PDGFC: variants seen among roughly 807,000 people sequenced by gnomAD.
PDGFC encodes platelet-derived growth factor C.
PDGFC carries 12 observed loss-of-function variants against 35.5 expected under a neutral mutation model. The observed-to-expected ratio is 0.34, with a 90% confidence interval of 0.22 to 0.55. The LOEUF is 0.55. PDGFC is among the 20% of genes least tolerant of loss of function. PDGFC has a pLI of 0.91. For synonymous variants in PDGFC, 159 were observed against 148.8 expected (o/e 1.07, Z -0.50); for missense variants, 322 against 412.4 (o/e 0.78, Z 1.90).
chr4:156,857,429 G>T (rs748279742), intron 1 of PDGFC, among the ~76,000 whole-genome samples: 9 of 152,054 alleles, frequency 5.9e-5, no homozygotes, highest in Non-Finnish European at 1.3e-4. Flanking sequence ...AGGAAAAGGA[G>T]CAACTTTGTA....
At chr4:156,898,856 C>G (rs1260163886) in intron 1 of PDGFC, among the ~76,000 whole-genome samples, 2 of 152,160 alleles carry the variant, frequency 1.3e-5, no homozygotes, top group African/African-American at 4.8e-5. Context: ...TGGGGTTTCA[C>G]ATGTTTTCTA....
intron 2 of PDGFC, among the ~76,000 whole-genome samples, chr4:156,830,377 TA>T (rs1211381787): frequency 6.6e-6 from 1 of 152,160 alleles, no homozygotes; most frequent in African/African-American, 2.4e-5. Flanking sequence ...AAATAAAAGA[TA>T]AAGCACTGTG....
chr4:156,831,762 G>GA lies in PDGFC; in HGVS notation c.314+18458dup, dbSNP rs200420006. ...CGGCCAACCCTGTCTCTTGAAAAAA[G>GA]AAAAAAAAATGTAACTGGCTTTTTA... On this transcript the variant is annotated intron_variant, in intron 2 of 5. Coordinates refer to ENST00000502773, the MANE Select transcript of PDGFC (RefSeq NM_016205.3). Among the ~76,000 whole-genome samples the GA allele has an allele frequency of 9.5e-3, 1,423 of 149,064 alleles. 29 individuals are homozygous for GA. Among genetic ancestry groups the GA allele is most frequent in the Admixed American group, 0.042 (632 of 14,990 alleles).
At position 156,854,817 on chromosome 4, in the gene PDGFC, CA is replaced by C. The variant is rs199857479; in HGVS notation, c.119-4402del. ...CAGACAGTATACTCAAATTACCAAACAAAAAAAAAGTTTATAGTCAAATCAC... is the reference window on the plus strand; with the variant it reads ...CAGACAGTATACTCAAATTACCAAACAAAAAAAAGTTTATAGTCAAATCAC... On this transcript the variant is annotated intron_variant, in intron 1 of 5. Coordinates refer to ENST00000502773, the MANE Select transcript of PDGFC (RefSeq NM_016205.3). Among the ~76,000 whole-genome samples, 419 of 150,490 alleles carry C rather than the reference CA, an allele frequency of 2.8e-3. 1 individual carries two copies. The highest frequency in any genetic ancestry group is 9.8e-3 in the African/African-American group (401 of 41,100).
chr4:156,860,708 T>G (rs1729690436), intron 1 of PDGFC, among the ~76,000 whole-genome samples: 1 of 152,266 alleles, frequency 6.6e-6, no homozygotes, highest in East Asian at 1.9e-4. Flanking sequence ...ATATGCATAA[T>G]GCATAATGTA....
chr4:156,939,018 A>G (rs959174372), intron 1 of PDGFC, among the ~76,000 whole-genome samples: 1 of 152,034 alleles, frequency 6.6e-6, no homozygotes, highest in African/African-American at 2.4e-5. Flanking sequence ...ACCAGTACAG[A>G]ATACAGCCCT....
At chr4:156,891,490 CAG>C (rs1468889859) in intron 1 of PDGFC, among the ~76,000 whole-genome samples, 3 of 151,968 alleles carry the variant, frequency 2.0e-5, no homozygotes, top group Non-Finnish European at 2.9e-5. Context: ...ATTATAAGAA[CAG>C]GGTAAAATTT....
chr4:156,861,780 T>C (rs1729715627), intron 1 of PDGFC, among the ~76,000 whole-genome samples: 2 of 152,166 alleles, frequency 1.3e-5, no homozygotes, highest in Non-Finnish European at 2.9e-5. Flanking sequence ...CTCTTCATTC[T>C]TCCCAGATCT....
At position 156,850,183 on chromosome 4, in the gene PDGFC, G is replaced by A. The variant is rs1353621196; in HGVS notation, c.314+38C>T. On this transcript the variant is annotated intron_variant, in intron 2 of 5. Transcript: ENST00000502773. ...TAAGCAATTTGAAAGACTTTTAACAGTTGTTACATTGTTGGGATTTCAAGT... is the reference window on the plus strand; with the variant it reads ...TAAGCAATTTGAAAGACTTTTAACAATTGTTACATTGTTGGGATTTCAAGT... 3.7e-6 allele frequency: 4 copies of A among 1,080,958 alleles called. No individual in the cohort carries two copies. In the African/African-American group the frequency reaches 4.8e-5, roughly 13 times the overall value. The allele number at this position is 1,080,958 out of a possible 1,614,324, so 67.0% of individuals were successfully genotyped here.
At position 156,903,521 on chromosome 4, in the gene PDGFC, G is replaced by A. The variant is rs1240390391; in HGVS notation, c.119-53105C>T. 2.0e-5 allele frequency among the ~76,000 whole-genome samples: 3 copies of A among 152,000 alleles called. No individual in the cohort carries two copies. In the East Asian group the frequency reaches 5.8e-4, roughly 29 times the overall value. The stretch of plus-strand genomic sequence containing the variant: ...TAACACAGCAGATGGTTTCCCCTAT[G>A]AAAATTAGAAAGAATGATTTAAAAT... On this transcript the variant is annotated intron_variant, in intron 1 of 5. Transcript: ENST00000502773.
At chr4:156,826,644 TG>T (rs1394734217) in intron 2 of PDGFC, among the ~76,000 whole-genome samples, 1 of 152,232 alleles carries the variant, frequency 6.6e-6, no homozygotes, top group Admixed American at 6.5e-5. Flanking sequence ...TCTGTATTAT[TG>T]CTACATTTGC....
At chr4:156,865,927 C>T (rs1729829586) in intron 1 of PDGFC, among the ~76,000 whole-genome samples, 1 of 152,074 alleles carries the variant, frequency 6.6e-6, no homozygotes, top group African/African-American at 2.4e-5. Flanking sequence ...TAACAAAACA[C>T]CATAAAAAGT....
At chr4:156,804,258 A>C (rs1731695409) in intron 3 of PDGFC, among the ~76,000 whole-genome samples, 1 of 152,056 alleles carries the variant, frequency 6.6e-6, no homozygotes. Flanking sequence ...AAGTTAAAAA[A>C]AAGTAATCGT....
intron 2 of PDGFC, among the ~76,000 whole-genome samples, chr4:156,822,203 C>CA (rs1308061834): frequency 5.3e-5 from 8 of 151,556 alleles, no homozygotes; most frequent in Non-Finnish European, 1.2e-4. Flanking sequence ...ACTAAAATTA[C>CA]AAAAAATTAG....
At chr4:156,803,386 C>T (rs1353724533) in intron 3 of PDGFC, among the ~76,000 whole-genome samples, 3 of 152,026 alleles carry the variant, frequency 2.0e-5, no homozygotes, top group Non-Finnish European at 4.4e-5. Flanking sequence ...ATAATGTACA[C>T]AATGAATTTG....
Position 156,762,913 on chromosome 4 carries a change from G to A in PDGFC, c.*177C>T. 1 of 519,944 alleles carries A rather than the reference G, an allele frequency of 1.9e-6. No individual in the cohort carries two copies. Among genetic ancestry groups the A allele is most frequent in the Non-Finnish European group, 3.5e-6 (1 of 287,556 alleles). 32.2% of individuals were successfully genotyped at this position (519,944 alleles called of 1,614,324 possible). ...TAGGCCTCCTCTCAAAAGAGCTGTT[G>A]CACAACTCCTAATTCTGTTTGATGT... is the stretch of plus-strand genomic sequence containing the variant. On this transcript the variant is annotated 3_prime_UTR_variant, in exon 6 of 6. Transcript: ENST00000502773.
intron 1 of PDGFC, among the ~76,000 whole-genome samples, chr4:156,901,712 T>C (rs1730790657): frequency 6.6e-6 from 1 of 152,116 alleles, no homozygotes; most frequent in African/African-American, 2.4e-5. Flanking sequence ...AACCTCCGCC[T>C]CCTGGGGTCA....
chr4:156,933,311 A>G (rs1383755829), intron 1 of PDGFC, among the ~76,000 whole-genome samples: 1 of 152,220 alleles, frequency 6.6e-6, no homozygotes, highest in Non-Finnish European at 1.5e-5. Context: ...GAATTCACCT[A>G]CTGGCTACAA....
chr4:156,891,300 A>G (rs1047889991), intron 1 of PDGFC, among the ~76,000 whole-genome samples: 6 of 60,122 alleles, frequency 1.0e-4, no homozygotes, highest in African/African-American at 2.6e-4. Context: ...AAAAAAAAAA[A>G]AAAAAAAAAA....
Sources: gnomAD v4.1 joint callset for allele counts (sites outside exome capture counted in the v4.1 genomes callset) on GRCh38, gnomAD v4.1.1 for gene constraint, MANE v1.5 for transcripts, NCBI Gene and HGNC (gene_info 2026-07-23, HGNC 2026-07-21) for gene names.